Variants in AGAP1 observed in about 807,000 individuals in gnomAD.
The protein encoded by AGAP1 is ArfGAP with GTPase domain, ankyrin repeat and PH domain 1.
Under a neutral mutation model 105.3 loss-of-function variants are expected in AGAP1, and 29 were observed. That is an observed-to-expected ratio of 0.28 (90% CI 0.21 to 0.38). AGAP1 has a LOEUF of 0.38. Among genes scored for constraint, AGAP1 ranks in the 10% least tolerant of loss-of-function variants. AGAP1 has a pLI of 1.00. For synonymous variants in AGAP1, 509 were observed against 485.9 expected, an observed-to-expected ratio of 1.05 and a Z score of -0.63; for missense variants, 998 against 1,165.1, an observed-to-expected ratio of 0.86 and a Z score of 2.09.
chr2:235,997,600 G>A (rs77944499), intron 13 of AGAP1, among the ~76,000 whole-genome samples: 2,502 of 152,280 alleles, frequency 0.016, 20 homozygotes, highest in Non-Finnish European at 0.027. Flanking sequence ...CACTGTATGT[G>A]GGGACTGCAT....
intron 9 of AGAP1, among the ~76,000 whole-genome samples, chr2:235,827,957 C>T (rs1292066603): frequency 1.3e-5 from 2 of 152,156 alleles, no homozygotes; most frequent in African/African-American, 2.4e-5. Context: ...TGGAGCAGGC[C>T]AGCCTGCGGG....
At chr2:235,969,927 C>T (rs367877519) in intron 13 of AGAP1, among the ~76,000 whole-genome samples, 1 of 152,230 alleles carries the variant, frequency 6.6e-6, no homozygotes, top group African/African-American at 2.4e-5. Flanking sequence ...TTTCGTCGGG[C>T]ACGGTGGCTC....
At chr2:235,948,663 C>T (rs924664187) in intron 12 of AGAP1, among the ~76,000 whole-genome samples, 1 of 152,066 alleles carries the variant, frequency 6.6e-6, no homozygotes, top group Admixed American at 6.6e-5. Context: ...GAGATGGGTC[C>T]TCAGCTGGCC....
chr2:235,864,439 C>T lies in AGAP1; in HGVS notation c.1051-18906C>T, dbSNP rs754758509. Among the ~76,000 whole-genome samples, 2 of 152,158 alleles carry T rather than the reference C, an allele frequency of 1.3e-5. No homozygotes were observed. Among genetic ancestry groups the T allele is most frequent in the African/African-American group, 2.4e-5 (1 of 41,428 alleles). On this transcript the variant is annotated intron_variant, in intron 9 of 17. Coordinates refer to ENST00000304032, the MANE Select transcript of AGAP1 (RefSeq NM_001037131.3). The surrounding 1 kb of genome is among the most constrained non-coding windows in gnomAD (Gnocchi z 5.0). ...GGTAAGTGCCCGTTGGTTTTGTTTGCGGTTCTGGCCTCCAGGGCGGTCTGG... is the reference window on the plus strand; with the variant it reads ...GGTAAGTGCCCGTTGGTTTTGTTTGTGGTTCTGGCCTCCAGGGCGGTCTGG...
At chr2:236,099,565 TAGGG>T (rs537064359) in intron 16 of AGAP1, among the ~76,000 whole-genome samples, 3 of 152,166 alleles carry the variant, frequency 2.0e-5, no homozygotes, top group Non-Finnish European at 4.4e-5. Flanking sequence ...CATTTTATCA[TAGGG>T]AGGCCGTAAC....
At chr2:235,816,068 C>T (rs530958826) in intron 9 of AGAP1, among the ~76,000 whole-genome samples, 4 of 152,316 alleles carry the variant, frequency 2.6e-5, no homozygotes, top group African/African-American at 7.2e-5. Flanking sequence ...GTTGCTTTGA[C>T]AGTGGCTGTG....
intron 1 of AGAP1, among the ~76,000 whole-genome samples, chr2:235,498,005 C>T (rs1364387824): frequency 1.3e-5 from 2 of 152,034 alleles, no homozygotes; most frequent in East Asian, 1.9e-4. Context: ...TTTCTGGCAT[C>T]TTCAGGAATT....
At position 235,723,805 on chromosome 2, in the gene AGAP1, G is replaced by A. The variant is rs1199586828; in HGVS notation, c.310+6161G>A. On this transcript the variant is annotated intron_variant, in intron 3 of 17. Coordinates refer to ENST00000304032, the MANE Select transcript of AGAP1 (RefSeq NM_001037131.3). The surrounding 1 kb of genome is among the most constrained non-coding windows in gnomAD (Gnocchi z 6.2). ...TGGTTGGTTGGTTGGTTGGTTGGTCGATCGACAGAGACTTAAGAATGTTCA... is the reference window on the plus strand; with the variant it reads ...TGGTTGGTTGGTTGGTTGGTTGGTCAATCGACAGAGACTTAAGAATGTTCA... 6.6e-6 allele frequency among the ~76,000 whole-genome samples: 1 copy of A among 152,054 alleles called. No homozygotes were observed. The highest frequency in any genetic ancestry group is 2.4e-5 in the African/African-American group (1 of 41,334).
intron 13 of AGAP1, among the ~76,000 whole-genome samples, chr2:236,015,718 A>T (rs1559193720): frequency 1.3e-5 from 2 of 151,846 alleles, no homozygotes; most frequent in South Asian, 2.1e-4. Flanking sequence ...ATAGGGGGAC[A>T]TTTTTTTTCA....
rs55990003 is a variant in AGAP1 at position 235,651,184 on chromosome 2, C to CA, written c.164-57962dup. Among the ~76,000 whole-genome samples, 532 of 54,096 alleles carry CA rather than the reference C, an allele frequency of 9.8e-3. 44 individuals are homozygous for CA. Among genetic ancestry groups the CA allele is most frequent in the Middle Eastern group, 0.019 (1 of 52 alleles). The allele number at this position is 54,096 out of a possible 152,430, so 35.5% of individuals were successfully genotyped here. ...AGAGTGACAGAGTGAAACTCCATCT[C>CA]AAAAAAAAAAAAAAAAAAAAAAAAA... On this transcript the variant is annotated intron_variant, in intron 1 of 17. Transcript: ENST00000304032.
At position 235,570,416 on chromosome 2, in the gene AGAP1, T is replaced by C. The variant is rs1407457165; in HGVS notation, c.163+75567T>C. Among the ~76,000 whole-genome samples, 6 of 152,244 alleles carry C rather than the reference T, an allele frequency of 3.9e-5. No homozygotes were observed. In the South Asian group the frequency reaches 1.2e-3, roughly 32 times the overall value. On this transcript the variant is annotated intron_variant, in intron 1 of 17. Coordinates refer to ENST00000304032, the MANE Select transcript of AGAP1 (RefSeq NM_001037131.3). ...GAATGTTAAAGCCAGATCATTATCT[T>C]GTTATAATGTGTGAGAGAGTCCTGC...
intron 1 of AGAP1, among the ~76,000 whole-genome samples, chr2:235,514,964 A>G (rs191941583): frequency 2.3e-4 from 35 of 152,326 alleles, no homozygotes; most frequent in African/African-American, 8.2e-4. Context: ...GGGAGCTTGT[A>G]TACTCAGGCC....
intron 3 of AGAP1, among the ~76,000 whole-genome samples, chr2:235,735,641 C>T (rs960395841): frequency 5.3e-5 from 8 of 152,188 alleles, no homozygotes; most frequent in African/African-American, 1.4e-4. Context: ...TCACGGTGAA[C>T]GCACCCACTT....
rs894920607 is a variant in AGAP1 at position 235,729,611 on chromosome 2, C to G, written c.311-11352C>G. ...CTTGGTTATTCTTGGGGACCAAAATCCAAGCTAGGATGGGGACAGAGGCCT... is the reference window on the plus strand; with the variant it reads ...CTTGGTTATTCTTGGGGACCAAAATGCAAGCTAGGATGGGGACAGAGGCCT... On this transcript the variant is annotated intron_variant, in intron 3 of 17. Coordinates refer to ENST00000304032, the MANE Select transcript of AGAP1 (RefSeq NM_001037131.3). The surrounding 1 kb of genome is among the most constrained non-coding windows in gnomAD (Gnocchi z 5.0). Among the ~76,000 whole-genome samples the G allele has an allele frequency of 6.6e-6, 1 of 152,094 alleles. No individual in the cohort carries two copies. The highest frequency in any genetic ancestry group is 1.9e-4 in the East Asian group (1 of 5,176).
chr2:235,755,811 A>T (rs1408013163), intron 6 of AGAP1, among the ~76,000 whole-genome samples: 1 of 152,238 alleles, frequency 6.6e-6, no homozygotes, highest in Non-Finnish European at 1.5e-5. Context: ...GGCAGCAAGC[A>T]GCTCTTCTGG....
chr2:235,506,785 T>C lies in AGAP1; in HGVS notation c.163+11936T>C, dbSNP rs115497424. 2.1e-3 allele frequency among the ~76,000 whole-genome samples: 323 copies of C among 152,262 alleles called. 3 individuals carry two copies. The highest frequency in any genetic ancestry group is 7.5e-3 in the African/African-American group (311 of 41,534). ...CACTCACATCCATGTTCATCCTCTT[T>C]CCTGTGCTGACGGTTTGCAAAGCTG... On this transcript the variant is annotated intron_variant, in intron 1 of 17. Transcript: ENST00000304032.
In AGAP1 at chr2:235,750,569, G is replaced by T. The variant is rs1953343341; in HGVS notation, c.673+81G>T. 1 of 1,589,352 alleles carries T rather than the reference G, an allele frequency of 6.3e-7. No homozygotes were observed. Among genetic ancestry groups the T allele is most frequent in the Admixed American group, 1.7e-5 (1 of 59,726 alleles). On this transcript the variant is annotated intron_variant, in intron 6 of 17. Coordinates refer to ENST00000304032, the MANE Select transcript of AGAP1 (RefSeq NM_001037131.3). The surrounding 1 kb of genome is among the most constrained non-coding windows in gnomAD (Gnocchi z 5.3). ...CAAGAAGTCAGTCCTGCCTGCACTT[G>T]TGCATGTGGGTGGTGGAAATATGTC... is the stretch of plus-strand genomic sequence containing the variant.
intron 9 of AGAP1, among the ~76,000 whole-genome samples, chr2:235,880,496 C>T (rs779937250): frequency 7.1e-4 from 108 of 151,332 alleles, no homozygotes; most frequent in Non-Finnish European, 1.3e-3. Context: ...TGAGTGAGGG[C>T]GAGGCGGGTG....
At chr2:236,037,573 G>A (rs2057420603) in intron 14 of AGAP1, among the ~76,000 whole-genome samples, 1 of 151,968 alleles carries the variant, frequency 6.6e-6, no homozygotes, top group Non-Finnish European at 1.5e-5. Context: ...ATTTATTTAT[G>A]TAATATATAT....
Sources: gnomAD v4.1 joint callset for allele counts (sites outside exome capture counted in the v4.1 genomes callset) on GRCh38, gnomAD v4.1.1 for gene constraint, Gnocchi (gnomAD v3.1) non-coding constraint, MANE v1.5 for transcripts, NCBI Gene and HGNC (gene_info 2026-07-23, HGNC 2026-07-21) for gene names.